The following SMOC1 variants were observed in gnomAD, a reference collection of about 807,000 sequenced individuals.
SMOC1 encodes SPARC-related modular calcium-binding protein 1.
A neutral mutation model predicts 56.3 loss-of-function variants in SMOC1; 22 were observed. The ratio of observed to expected loss-of-function variants is 0.39; its 90% confidence interval spans 0.28 to 0.56. The LOEUF (loss-of-function observed/expected upper bound fraction) is 0.56. Ranked by LOEUF, SMOC1 falls within the 20% of genes least tolerant of loss-of-function variation. SMOC1 has a pLI of 0.61. For missense variants in SMOC1, 509 were observed against 565.4 expected (o/e 0.90, Z 1.01); for synonymous variants, 193 against 215.0 (o/e 0.90, Z 0.89).
At chr14:69,954,123 A>T (rs1221327352) in intron 3 of SMOC1, among the ~76,000 whole-genome samples, 1 of 152,176 alleles carries the variant, frequency 6.6e-6, no homozygotes, top group Non-Finnish European at 1.5e-5. Flanking sequence ...GCATTGTCAA[A>T]GTAATGCTGA....
intron 1 of SMOC1, 99 bp from the exon 2 acceptor site, chr14:69,952,039 C>G (rs1055110222): frequency 3.9e-5 from 54 of 1,398,086 alleles, no homozygotes; most frequent in Non-Finnish European, 5.3e-5. Flanking sequence ...TTATTAGGGA[C>G]TTACTTTCTA....
At chr14:69,986,017 G>A (rs975615329) in intron 5 of SMOC1, among the ~76,000 whole-genome samples, 1 of 152,170 alleles carries the variant, frequency 6.6e-6, no homozygotes, top group African/African-American at 2.4e-5. Flanking sequence ...GGTATCTGCT[G>A]TGAGTAAGGT....
intron 1 of SMOC1, among the ~76,000 whole-genome samples, chr14:69,929,570 T>C (rs1885106650): frequency 1.3e-5 from 2 of 152,142 alleles, no homozygotes; most frequent in Admixed American, 6.5e-5. Flanking sequence ...CCGAGTGCTT[T>C]CTAAGACATT....
At position 70,031,666 on chromosome 14, in the gene SMOC1, C is replaced by A. The variant is rs541985823; in HGVS notation, c.*1408C>A. The A allele has an allele frequency of 6.6e-6, 1 of 152,438 alleles. No individual in the cohort carries two copies. Among genetic ancestry groups the A allele is most frequent in the Middle Eastern group, 3.4e-3 (1 of 294 alleles). 9.4% of individuals were successfully genotyped at this position (152,438 alleles called of 1,614,324 possible). Reference sequence around the variant, plus strand: ...CCACAGGCATCACAGGCATCTTCCGCGGATTCTAGGGTGGGCTGCCCAGCC... The same window carrying A: ...CCACAGGCATCACAGGCATCTTCCGAGGATTCTAGGGTGGGCTGCCCAGCC... On this transcript the variant is annotated 3_prime_UTR_variant, in exon 12 of 12. Transcript: ENST00000361956.
At chr14:69,986,641 G>T (rs1884374939) in intron 5 of SMOC1, among the ~76,000 whole-genome samples, 1 of 152,102 alleles carries the variant, frequency 6.6e-6, no homozygotes, top group African/African-American at 2.4e-5. Context: ...AAAAACATTA[G>T]CCGAGTCTTC....
intron 1 of SMOC1, among the ~76,000 whole-genome samples, chr14:69,882,392 C>T (rs529237090): frequency 2.1e-4 from 32 of 152,282 alleles, no homozygotes; most frequent in Admixed American, 5.9e-4. Flanking sequence ...TGAGCTCCCC[C>T]GAGGCCTAGA....
intron 3 of SMOC1, among the ~76,000 whole-genome samples, chr14:69,971,796 T>C (rs2139491115): frequency 6.6e-6 from 1 of 152,344 alleles, no homozygotes; most frequent in South Asian, 2.1e-4. Flanking sequence ...CTGCTGGCAA[T>C]AGAACTATTT....
intron 1 of SMOC1, among the ~76,000 whole-genome samples, chr14:69,895,004 A>C (rs1187213142): frequency 2.6e-5 from 4 of 152,194 alleles, no homozygotes; most frequent in African/African-American, 9.7e-5. Flanking sequence ...CAGCTTCTAG[A>C]TATGTCCCTT....
intron 7 of SMOC1, among the ~76,000 whole-genome samples, chr14:70,004,236 C>T (rs1479674455): frequency 1.3e-5 from 2 of 152,216 alleles, no homozygotes; most frequent in Non-Finnish European, 2.9e-5. Flanking sequence ...GTATGGTTCT[C>T]TGTAAGATTA....
chr14:69,952,305 T>C lies in SMOC1; in HGVS notation c.265+2T>C. On this transcript the variant is annotated splice_donor_variant, in intron 2 of 11. Coordinates refer to ENST00000361956, the MANE Select transcript of SMOC1 (RefSeq NM_001034852.3). LOFTEE classifies it high-confidence loss of function. Reference sequence around the variant, plus strand: ...TGGTGCATCGAGGTAGATGCAAAGGTGAGTGTGTGCACCCCTGCCCAGCCA... The same window carrying C: ...TGGTGCATCGAGGTAGATGCAAAGGCGAGTGTGTGCACCCCTGCCCAGCCA... 1 of 1,613,868 alleles carries C rather than the reference T, an allele frequency of 6.2e-7. No homozygotes were observed. Among genetic ancestry groups the C allele is most frequent in the Non-Finnish European group, 8.5e-7 (1 of 1,179,948 alleles).
chr14:69,891,758 C>T (rs140450900), intron 1 of SMOC1, among the ~76,000 whole-genome samples: 68 of 152,174 alleles, frequency 4.5e-4, no homozygotes, highest in African/African-American at 1.5e-3. Context: ...AGTTATTCAC[C>T]GTCGGTTTAA....
intron 5 of SMOC1, among the ~76,000 whole-genome samples, chr14:69,980,577 G>A (rs1594836303): frequency 1.3e-5 from 2 of 152,206 alleles, no homozygotes; most frequent in Admixed American, 1.3e-4. Flanking sequence ...AGGAAGCTGG[G>A]GTTTGAATGG....
chr14:70,011,296 G>T (rs1422196208), intron 8 of SMOC1, among the ~76,000 whole-genome samples, 189 bp from the exon 9 acceptor site: 1 of 152,174 alleles, frequency 6.6e-6, no homozygotes, highest in Non-Finnish European at 1.5e-5. Context: ...TGACATGCCT[G>T]AACATGTCTC....
At chr14:69,903,594 C>T (rs144623092) in intron 1 of SMOC1, among the ~76,000 whole-genome samples, 1,693 of 152,308 alleles carry the variant, frequency 0.011, 39 homozygotes, top group South Asian at 0.098. Context: ...TGTTGATCTA[C>T]GACCTTACCC....
At chr14:69,983,265 A>G (rs1276176039) in intron 5 of SMOC1, among the ~76,000 whole-genome samples, 1 of 152,198 alleles carries the variant, frequency 6.6e-6, no homozygotes, top group Non-Finnish European at 1.5e-5. Flanking sequence ...ACATAAATTC[A>G]TTTGAATCCC....
chr14:69,967,412 C>T (rs1439164268), intron 3 of SMOC1, among the ~76,000 whole-genome samples: 1 of 152,228 alleles, frequency 6.6e-6, no homozygotes, highest in Non-Finnish European at 1.5e-5. Flanking sequence ...TGCCCAGGAT[C>T]GCTTTGAATG....
chr14:69,998,192 G>T (rs1884840132), intron 7 of SMOC1, among the ~76,000 whole-genome samples: 1 of 152,180 alleles, frequency 6.6e-6, no homozygotes, highest in South Asian at 2.1e-4. Flanking sequence ...CGCCTTTTGA[G>T]TAATTGGCAG....
intron 1 of SMOC1, chr14:69,885,263 C>G (rs747268261): frequency 3.3e-4 from 271 of 828,456 alleles, no homozygotes; most frequent in Non-Finnish European, 3.9e-4. Context: ...CTTCGAACAA[C>G]TTCTTTTTTT....
At chr14:69,908,384 G>C (rs1243896311) in intron 1 of SMOC1, among the ~76,000 whole-genome samples, 1 of 152,142 alleles carries the variant, frequency 6.6e-6, no homozygotes, top group Admixed American at 6.5e-5. Flanking sequence ...TGTGAAAGCT[G>C]ACTATAATAT....
Sources: allele counts gnomAD v4.1 joint callset (sites outside exome capture counted in the v4.1 genomes callset), GRCh38; gene constraint gnomAD v4.1.1; transcripts MANE v1.5; gene names NCBI Gene and HGNC (gene_info 2026-07-23, HGNC 2026-07-21).